Variants in ELFN2 observed in about 807,000 individuals in gnomAD.
ELFN2 encodes protein phosphatase 1 regulatory subunit 29.
ELFN2 carries 17 observed loss-of-function variants against 45.5 expected under a neutral mutation model. The ratio of observed to expected loss-of-function variants is 0.37; its 90% CI spans 0.26 to 0.56. The LOEUF (loss-of-function observed/expected upper bound fraction) is 0.56, where lower values mean the gene tolerates loss of function less well. Ranked by LOEUF, ELFN2 falls within the 20% of genes least tolerant of loss-of-function variation. The pLI, the probability that ELFN2 is intolerant of heterozygous loss-of-function variation, is 0.77. For synonymous variants in ELFN2, 550 were observed against 551.5 expected, an observed-to-expected ratio of 1.00 and a Z score of 0.04; for missense variants, 922 against 1,183.2, an observed-to-expected ratio of 0.78 and a Z score of 3.24.
chr22:37,414,190 G>A (rs912622416), intron 2 of ELFN2, among the ~76,000 whole-genome samples: 3 of 152,204 alleles, frequency 2.0e-5, no homozygotes, highest in Non-Finnish European at 4.4e-5. Context: ...TGTCTTCAGG[G>A]AGTTGATACT....
At chr22:37,356,702 G>A (rs1930958255) in intron 1 of ELFN2, among the ~76,000 whole-genome samples, 1 of 152,146 alleles carries the variant, frequency 6.6e-6, no homozygotes. Context: ...TGACTCTGTG[G>A]GGTAGTACTG....
chr22:37,356,988 T>C (rs572568189), intron 1 of ELFN2, among the ~76,000 whole-genome samples: 1 of 152,290 alleles, frequency 6.6e-6, no homozygotes, highest in South Asian at 2.1e-4. Flanking sequence ...GCCAGACATT[T>C]ATTGCTTAAG....
chr22:37,351,957 C>T (rs1374432459), intron 1 of ELFN2, among the ~76,000 whole-genome samples: 2 of 150,926 alleles, frequency 1.3e-5, no homozygotes, highest in Non-Finnish European at 3.0e-5. Context: ...GCCTGGCCCC[C>T]GAGTAGACTG....
At chr22:37,386,455 C>A (rs939918044) in intron 2 of ELFN2, among the ~76,000 whole-genome samples, 3 of 152,214 alleles carry the variant, frequency 2.0e-5, no homozygotes, top group Non-Finnish European at 2.9e-5. Flanking sequence ...GAGGCCACAG[C>A]CCATTCAGCT....
intron 1 of ELFN2, among the ~76,000 whole-genome samples, chr22:37,358,139 G>A (rs943426871): frequency 6.6e-6 from 1 of 152,088 alleles, no homozygotes; most frequent in Non-Finnish European, 1.5e-5. Flanking sequence ...CAGTACGGGA[G>A]AGCACAGAAC....
rs763772323 is a variant in ELFN2, at chr22:37,373,699, G to T, written c.1836C>A (p.His612Gln). Residue 612 changes from histidine (H) to glutamine (Q), a missense_variant, in exon 3 of 3, where the codon CAC becomes CAA. His to Gln is a conservative substitution (Grantham distance 24). Transcript: ENST00000402918. ...LSPPYKESSH[H>Q]PLQRQLSADA... ...CGGCGCTCAGCTGGCGCTGTAGTGG[G>T]TGGTGGGAGCTCTCCTTGTAGGGAG... 6.4e-7 allele frequency: 1 copy of T among 1,559,286 alleles called. No homozygotes were observed. Among genetic ancestry groups the T allele is most frequent in the Non-Finnish European group, 8.6e-7 (1 of 1,157,692 alleles).
At position 37,403,216 on chromosome 22, in the gene ELFN2, T is replaced by C. The variant is rs1279671671; in HGVS notation, c.-463+14553A>G. ...ACCCCCAGGCAGGTGCACCTGTCCA[T>C]CCATTCATTCTGCAGAACAAAGCTA... On this transcript the variant is annotated intron_variant, in intron 2 of 2. Transcript: ENST00000402918. Among the ~76,000 whole-genome samples the C allele has an allele frequency of 4.0e-5, 5 of 124,702 alleles. No individual in the cohort carries two copies. In the Admixed American group the frequency reaches 4.8e-4, roughly 12 times the overall value. 81.8% of individuals were successfully genotyped at this position (124,702 alleles called of 152,430 possible).
intron 2 of ELFN2, among the ~76,000 whole-genome samples, chr22:37,392,967 A>G (rs1246789116): frequency 6.6e-6 from 1 of 152,212 alleles, no homozygotes; most frequent in Non-Finnish European, 1.5e-5. Flanking sequence ...GTCCCTTATT[A>G]CTTCAGGCCT....
intron 1 of ELFN2, among the ~76,000 whole-genome samples, chr22:37,356,681 A>T (rs888090890): frequency 5.9e-5 from 9 of 152,224 alleles, no homozygotes; most frequent in African/African-American, 2.2e-4. Flanking sequence ...CTAAACACTG[A>T]TCCCTCACAA....
At chr22:37,394,769 C>T (rs1932169205) in intron 2 of ELFN2, among the ~76,000 whole-genome samples, 1 of 152,110 alleles carries the variant, frequency 6.6e-6, no homozygotes, top group Admixed American at 6.5e-5. Flanking sequence ...GGTTGGCTGC[C>T]GCAAACTCAA....
intron 2 of ELFN2, among the ~76,000 whole-genome samples, chr22:37,382,275 C>T (rs1400281030): frequency 6.9e-6 from 1 of 144,730 alleles, no homozygotes; most frequent in African/African-American, 2.6e-5. Context: ...TCAGCGCCCA[C>T]CTAAAGCTAC....
intron 1 of ELFN2, among the ~76,000 whole-genome samples, chr22:37,351,560 C>G (rs1601732663): frequency 1.3e-5 from 2 of 149,030 alleles, no homozygotes; most frequent in East Asian, 3.9e-4. Flanking sequence ...TCACTCTGCC[C>G]CTTCCCCATG....
downstream of ELFN2, among the ~76,000 whole-genome samples, chr22:37,365,516 G>A (rs769245177): frequency 5.3e-5 from 8 of 152,310 alleles, no homozygotes; most frequent in Middle Eastern, 3.4e-3. Context: ...GGAGAGGGCC[G>A]GTGGTCGGTG....
intron 2 of ELFN2, among the ~76,000 whole-genome samples, chr22:37,342,073 C>G (rs1055078602): frequency 6.6e-6 from 1 of 152,158 alleles, no homozygotes; most frequent in Non-Finnish European, 1.5e-5. Flanking sequence ...GTCCCCTTGC[C>G]TCCCAACAAC....
intron 2 of ELFN2, among the ~76,000 whole-genome samples, chr22:37,388,360 C>T (rs1272743615): frequency 6.6e-6 from 1 of 152,190 alleles, no homozygotes; most frequent in Non-Finnish European, 1.5e-5. Flanking sequence ...GGAATCATAA[C>T]TGCTGCTGCT....
At chr22:37,357,753 C>T (rs1930985408) in intron 1 of ELFN2, among the ~76,000 whole-genome samples, 1 of 152,300 alleles carries the variant, frequency 6.6e-6, no homozygotes, top group East Asian at 1.9e-4. Flanking sequence ...GGAGCCCAGG[C>T]TTATTGAAAG....
intron 2 of ELFN2, among the ~76,000 whole-genome samples, chr22:37,407,912 G>A (rs1038209661): frequency 4.0e-5 from 6 of 151,602 alleles, no homozygotes; most frequent in Admixed American, 2.6e-4. Flanking sequence ...AAAAGAAAGC[G>A]AGAAAAGGCC....
intron 1 of ELFN2, among the ~76,000 whole-genome samples, chr22:37,362,240 G>C (rs1225050514): frequency 6.6e-6 from 1 of 152,194 alleles, no homozygotes; most frequent in Non-Finnish European, 1.5e-5. Context: ...TATATGCCCT[G>C]TGGCAGGGAC....
At chr22:37,407,262 G>T (rs914421812) in intron 2 of ELFN2, among the ~76,000 whole-genome samples, 2 of 152,156 alleles carry the variant, frequency 1.3e-5, no homozygotes. Context: ...TGAAATTCAG[G>T]CTATACCACA....
Sources: allele counts gnomAD v4.1 joint callset (sites outside exome capture counted in the v4.1 genomes callset), GRCh38; gene constraint gnomAD v4.1.1; transcripts MANE v1.5; gene names NCBI Gene and HGNC (gene_info 2026-07-23, HGNC 2026-07-21).